Variants in TENM1 observed in about 807,000 individuals in gnomAD.
The protein encoded by TENM1 is teneurin-1.
TENM1 carries 35 observed loss-of-function variants against 174.8 expected under a neutral mutation model. The observed-to-expected ratio is 0.20, with a 90% CI of 0.15 to 0.27. The LOEUF (loss-of-function observed/expected upper bound fraction) is 0.27. Among genes scored for constraint, TENM1 ranks in the 10% least tolerant of loss-of-function variants. TENM1 has a pLI of 1.00. For synonymous variants in TENM1, 781 were observed against 798.7 expected (o/e 0.98, Z 0.37); for missense variants, 1,633 against 2,130.1 (o/e 0.77, Z 4.59).
At chrX:124,797,982 T>G (rs1460316768) in intron 3 of TENM1, among the ~76,000 whole-genome samples, 3 of 111,209 alleles carry the variant, frequency 2.7e-5, no homozygotes, top group African/African-American at 9.8e-5. Context: ...TTGCTGAGGA[T>G]GATGGCTTCC....
At chrX:125,013,477 T>C in the TENM1 span, among the ~76,000 whole-genome samples, 1 of 111,552 alleles carries the variant, frequency 9.0e-6, no homozygotes, top group African/African-American at 3.3e-5. Context: ...TATATTATAG[T>C]AACCATGGAA....
chrX:124,480,972 T>C (rs1290938519), intron 22 of TENM1, among the ~76,000 whole-genome samples: 1 of 111,561 alleles, frequency 9.0e-6, no homozygotes, highest in Non-Finnish European at 1.9e-5. Context: ...GATTGGCATA[T>C]GATCCAGAAA....
At chrX:124,715,425 T>C (rs936003300) in intron 4 of TENM1, among the ~76,000 whole-genome samples, 1 of 110,415 alleles carries the variant, frequency 9.1e-6, no homozygotes. Context: ...GTAAAGAAAC[T>C]CAATTACATT....
At chrX:124,417,803 T>C (rs1233422050) in intron 25 of TENM1, among the ~76,000 whole-genome samples, 1 of 112,043 alleles carries the variant, frequency 8.9e-6, no homozygotes, top group Non-Finnish European at 1.9e-5. Context: ...ATGTTCCTTG[T>C]ATAGTCTTCC....
chrX:124,425,193 C>T (rs1569530981), intron 23 of TENM1, among the ~76,000 whole-genome samples: 2 of 112,204 alleles, frequency 1.8e-5, no homozygotes, highest in Non-Finnish European at 3.8e-5. Flanking sequence ...GCAAATAGTG[C>T]AGCTATCTCT....
Position 124,575,562 on chromosome X carries a change from A to G in TENM1, c.2078-10002T>C, listed in dbSNP as rs1199133894. ...AGGAATCTAGCATGTGAAGATCAAAAGTTGTAATGACTTTGAGCTTAATGT... is the reference window on the plus strand; with the variant it reads ...AGGAATCTAGCATGTGAAGATCAAAGGTTGTAATGACTTTGAGCTTAATGT... On this transcript the variant is annotated intron_variant, in intron 11 of 31. Coordinates refer to ENST00000422452, the Ensembl canonical transcript of TENM1. Among the ~76,000 whole-genome samples the G allele has an allele frequency of 3.6e-5, 4 of 112,015 alleles. No individual in the cohort carries two copies. The East Asian group carries it at 1.1e-3, about 31-fold the overall frequency.
At chrX:125,018,806 T>C in the TENM1 span, among the ~76,000 whole-genome samples, 1 of 111,609 alleles carries the variant, frequency 9.0e-6, no homozygotes, top group Non-Finnish European at 1.9e-5. Flanking sequence ...AAAGGCCTTA[T>C]TGACAAGCAT....
chrX:124,592,790 C>G (rs180851765), intron 11 of TENM1, among the ~76,000 whole-genome samples: 158 of 105,407 alleles, frequency 1.5e-3, no homozygotes, highest in African/African-American at 5.1e-3. Flanking sequence ...TTTAATTTCC[C>G]TTTCCTTTTC....
chrX:125,002,196 T>A, the TENM1 span, among the ~76,000 whole-genome samples: 1 of 111,562 alleles, frequency 9.0e-6, no homozygotes, highest in Non-Finnish European at 1.9e-5. Context: ...GTTGTTAAAA[T>A]GTTTGTTTAG....
At chrX:125,138,622 A>C in the TENM1 span, among the ~76,000 whole-genome samples, 3 of 111,018 alleles carry the variant, frequency 2.7e-5, no homozygotes, top group Non-Finnish European at 5.7e-5. Context: ...GGGCAAAACT[A>C]ATGTATGCTG....
chrX:124,605,727 T>C (rs1291325840), intron 11 of TENM1, among the ~76,000 whole-genome samples: 1 of 111,613 alleles, frequency 9.0e-6, no homozygotes, highest in Non-Finnish European at 1.9e-5. Flanking sequence ...CACTGGATAA[T>C]ATGGAATGTG....
chrX:125,200,654 T>TGTGTGA, the TENM1 span, among the ~76,000 whole-genome samples: 175 of 92,421 alleles, frequency 1.9e-3, no homozygotes, highest in African/African-American at 5.6e-3. Flanking sequence ...TGTGTGTGTG[T>TGTGTGA]GAGAGAGAGA....
chrX:124,868,384 C>T (rs911567287), intron 3 of TENM1, among the ~76,000 whole-genome samples: 21 of 111,617 alleles, frequency 1.9e-4, no homozygotes, highest in African/African-American at 6.5e-4. Context: ...GGGGAAAGGA[C>T]AGGCACGTCA....
At chrX:125,031,856 G>A in the TENM1 span, among the ~76,000 whole-genome samples, 2 of 111,736 alleles carry the variant, frequency 1.8e-5, no homozygotes, top group African/African-American at 6.5e-5. Flanking sequence ...ATTTTAAACT[G>A]TGAACTAAGG....
At chrX:125,129,636 T>C in the TENM1 span, among the ~76,000 whole-genome samples, 1 of 108,169 alleles carries the variant, frequency 9.2e-6, no homozygotes, top group African/African-American at 3.4e-5. Flanking sequence ...TCCTACACCC[T>C]ATCTCCATGA....
intron 3 of TENM1, among the ~76,000 whole-genome samples, chrX:124,771,280 C>T (rs2054648154): frequency 8.9e-6 from 1 of 112,454 alleles, no homozygotes; most frequent in Non-Finnish European, 1.9e-5. Flanking sequence ...TCCCATAGAT[C>T]ATACTACTTT....
At chrX:124,636,067 GT>G (rs1171211392) in intron 11 of TENM1, among the ~76,000 whole-genome samples, 1 of 111,918 alleles carries the variant, frequency 8.9e-6, no homozygotes, top group Non-Finnish European at 1.9e-5. Context: ...ATTCACTATA[GT>G]CCCCCTGGTA....
At chrX:124,431,615 T>C (rs2060779709) in intron 23 of TENM1, among the ~76,000 whole-genome samples, 2 of 112,352 alleles carry the variant, frequency 1.8e-5, no homozygotes, top group African/African-American at 6.5e-5. Flanking sequence ...CTTCTTCAAA[T>C]GTATAAAAGA....
chrX:125,061,296 A>G, the TENM1 span, among the ~76,000 whole-genome samples: 1 of 111,394 alleles, frequency 9.0e-6, no homozygotes, highest in Non-Finnish European at 1.9e-5. Context: ...TGTTTCCCTT[A>G]ATGCCCACGG....
Sources: gnomAD v4.1 joint callset for allele counts (sites outside exome capture counted in the v4.1 genomes callset) on GRCh38, gnomAD v4.1.1 for gene constraint, MANE v1.5 for transcripts, NCBI Gene and HGNC (gene_info 2026-07-23, HGNC 2026-07-21) for gene names.